The following AKAP7 variants were observed in gnomAD, a reference collection of about 807,000 sequenced individuals.
The protein encoded by AKAP7 is A-kinase anchoring protein 7.
Under a neutral mutation model 39.5 loss-of-function variants are expected in AKAP7, and 39 were observed. That is an observed-to-expected ratio of 0.99 (90% CI 0.76 to 1.29). The LOEUF (loss-of-function observed/expected upper bound fraction) is 1.29. Ranked by LOEUF, AKAP7 falls within the 50% of genes most tolerant of loss-of-function variation. AKAP7 has a pLI of 0.00. For synonymous variants in AKAP7, 140 were observed against 139.1 expected (o/e 1.01, Z -0.05); for missense variants, 414 against 407.7 (o/e 1.02, Z -0.13).
At chr6:131,218,316 A>G (rs925412031) in intron 6 of AKAP7, among the ~76,000 whole-genome samples, 34 of 152,322 alleles carry the variant, frequency 2.2e-4, no homozygotes, top group African/African-American at 6.7e-4. Context: ...GCACATCTGT[A>G]TATTATTTTG....
the AKAP7 span, among the ~76,000 whole-genome samples, chr6:131,128,076 T>C: frequency 6.6e-5 from 10 of 152,170 alleles, no homozygotes; most frequent in African/African-American, 1.9e-4. Flanking sequence ...ACTAGCCTCC[T>C]ATCAAGGTGG....
intron 2 of AKAP7, among the ~76,000 whole-genome samples, chr6:131,159,662 A>G (rs916689534): frequency 6.6e-6 from 1 of 152,234 alleles, no homozygotes; most frequent in African/African-American, 2.4e-5. Flanking sequence ...AGTTACAAAC[A>G]TACCTATACA....
At chr6:131,164,056 C>T (rs1326259480) in intron 3 of AKAP7, among the ~76,000 whole-genome samples, 4 of 152,120 alleles carry the variant, frequency 2.6e-5, no homozygotes, top group African/African-American at 4.8e-5. Context: ...AATCACATTC[C>T]GCAGATAATG....
chr6:131,242,947 A>C (rs1436686040), intron 7 of AKAP7, among the ~76,000 whole-genome samples: 1 of 152,196 alleles, frequency 6.6e-6, no homozygotes. Flanking sequence ...ATATTTCAGA[A>C]ACGCTGGTAG....
chr6:131,174,328 G>A (rs1017377362), intron 5 of AKAP7, among the ~76,000 whole-genome samples: 6 of 152,186 alleles, frequency 3.9e-5, no homozygotes, highest in Non-Finnish European at 5.9e-5. Context: ...ACTGTGTCAG[G>A]CATTGAAGTT....
chr6:131,179,859 A>T (rs554320657), intron 5 of AKAP7, among the ~76,000 whole-genome samples: 16 of 150,980 alleles, frequency 1.1e-4, no homozygotes, highest in Non-Finnish European at 2.2e-4. Context: ...ACAGAAAAAG[A>T]CCCTGTCTCA....
At chr6:131,130,361 C>T in the AKAP7 span, among the ~76,000 whole-genome samples, 2 of 152,178 alleles carry the variant, frequency 1.3e-5, no homozygotes, top group Admixed American at 1.3e-4. Context: ...ACAATCTTGG[C>T]TCACTGCACC....
intron 7 of AKAP7, among the ~76,000 whole-genome samples, chr6:131,253,999 G>A (rs1357707378): frequency 6.6e-6 from 1 of 152,114 alleles, no homozygotes; most frequent in Non-Finnish European, 1.5e-5. Flanking sequence ...CCCAGTAGTG[G>A]GATTGCTAGA....
At chr6:131,258,262 T>C (rs1813024175) in intron 7 of AKAP7, among the ~76,000 whole-genome samples, 1 of 152,218 alleles carries the variant, frequency 6.6e-6, no homozygotes, top group African/African-American at 2.4e-5. Context: ...TTCCTACTAA[T>C]GGATTCTTTC....
At chr6:131,220,963 C>A (rs1031129063) in intron 7 of AKAP7, among the ~76,000 whole-genome samples, 1 of 151,902 alleles carries the variant, frequency 6.6e-6, no homozygotes, top group East Asian at 1.9e-4. Flanking sequence ...CATCTCTTAC[C>A]TTAAATCAAA....
chr6:131,168,067 C>A lies in AKAP7; in HGVS notation c.429-1046C>A, dbSNP rs547564171. On this transcript the variant is annotated intron_variant, in intron 4 of 7. Coordinates refer to ENST00000431975, the MANE Select transcript of AKAP7 (RefSeq NM_016377.4). ...GAAGTAATTCTGATTTTCCAAATAT[C>A]AAAAATCTCGTAATGTCCAATTCAA... 5.3e-5 allele frequency among the ~76,000 whole-genome samples: 8 copies of A among 152,120 alleles called. No homozygotes were observed. The South Asian group carries it at 1.5e-3, about 28-fold the overall frequency.
chr6:131,149,851 C>T (rs1447372481), intron 2 of AKAP7, among the ~76,000 whole-genome samples: 2 of 152,180 alleles, frequency 1.3e-5, no homozygotes, highest in East Asian at 3.8e-4. Flanking sequence ...GTTCTGCATT[C>T]AAAAGTAGAA....
chr6:131,193,047 TC>T (rs1309493547), intron 5 of AKAP7, among the ~76,000 whole-genome samples: 1 of 152,184 alleles, frequency 6.6e-6, no homozygotes, highest in African/African-American at 2.4e-5. Context: ...TTTGACTTCT[TC>T]TTTTTCAGTT....
chr6:131,240,193 G>C (rs1404837741), intron 7 of AKAP7, among the ~76,000 whole-genome samples: 3 of 152,252 alleles, frequency 2.0e-5, no homozygotes, highest in Non-Finnish European at 4.4e-5. Context: ...GTTTGCCTGG[G>C]TATCAGCAGC....
At chr6:131,232,432 A>G (rs759611489) in intron 7 of AKAP7, among the ~76,000 whole-genome samples, 1 of 152,198 alleles carries the variant, frequency 6.6e-6, no homozygotes, top group South Asian at 2.1e-4. Context: ...TGCCTAGTCC[A>G]TAACATTGCC....
chr6:131,205,773 G>C (rs1808037472), intron 6 of AKAP7, among the ~76,000 whole-genome samples: 1 of 151,850 alleles, frequency 6.6e-6, no homozygotes, highest in Non-Finnish European at 1.5e-5. Context: ...AATTCTAATG[G>C]GTATTTTGCA....
At chr6:131,258,866 A>G (rs1813075110) in intron 7 of AKAP7, among the ~76,000 whole-genome samples, 1 of 152,208 alleles carries the variant, frequency 6.6e-6, no homozygotes, top group Admixed American at 6.5e-5. Flanking sequence ...CCTATTATGT[A>G]TCTATGTAGT....
At chr6:131,227,442 C>G (rs1209910572) in intron 7 of AKAP7, among the ~76,000 whole-genome samples, 2 of 152,120 alleles carry the variant, frequency 1.3e-5, no homozygotes, top group Admixed American at 6.5e-5. Context: ...ATGTGTAATA[C>G]TGAGTAGATA....
chr6:131,155,802 A>T (rs1802367687), intron 2 of AKAP7, among the ~76,000 whole-genome samples: 1 of 152,146 alleles, frequency 6.6e-6, no homozygotes, highest in Non-Finnish European at 1.5e-5. Flanking sequence ...ACTGAAGTTT[A>T]TTCTATTTGG....
Sources: gnomAD v4.1 joint callset for allele counts (sites outside exome capture counted in the v4.1 genomes callset) on GRCh38, gnomAD v4.1.1 for gene constraint, MANE v1.5 for transcripts, NCBI Gene and HGNC (gene_info 2026-07-23, HGNC 2026-07-21) for gene names.